The following PIK3CG variants were observed in gnomAD, a reference collection of about 807,000 sequenced individuals.
PIK3CG encodes the protein phosphatidylinositol 4,5-bisphosphate 3-kinase catalytic subunit gamma isoform.
PIK3CG carries 55 observed loss-of-function variants against 102.3 expected under a neutral mutation model. The ratio of observed to expected loss-of-function variants is 0.54; its 90% CI spans 0.43 to 0.67. The LOEUF is 0.67. PIK3CG is among the 30% of genes least tolerant of loss of function. PIK3CG has a pLI of 0.00. For synonymous variants in PIK3CG, 552 were observed against 540.0 expected, an observed-to-expected ratio of 1.02 and a Z score of -0.31; for missense variants, 1,258 against 1,391.8, an observed-to-expected ratio of 0.90 and a Z score of 1.53.
At position 106,908,257 on chromosome 7, in the gene PIK3CG, C is replaced by T. The variant is rs1489036024; in HGVS notation, c.*2870C>T. ...ACAGTGCCCTTCTGAGCATGAGGCT[C>T]TGTGTGACTGCATGGGTCCATGAGA... On this transcript the variant is annotated 3_prime_UTR_variant, in exon 11 of 11. Transcript: ENST00000496166. This position sits in a 1 kb window ranked among gnomAD's most constrained non-coding sequence, Gnocchi z 4.1. Among the ~76,000 whole-genome samples the T allele has an allele frequency of 6.6e-6, 1 of 152,206 alleles. No individual in the cohort carries two copies. Among genetic ancestry groups the T allele is most frequent in the Non-Finnish European group, 1.5e-5 (1 of 68,042 alleles).
chr7:106,900,864 T>C (rs1791530984), intron 10 of PIK3CG, among the ~76,000 whole-genome samples: 2 of 152,126 alleles, frequency 1.3e-5, no homozygotes. Context: ...TTTTTTTCTT[T>C]AAGAATGTTG....
At position 106,874,040 on chromosome 7, in the gene PIK3CG, G is replaced by T. The variant is rs1461477321; in HGVS notation, c.2288-660G>T. Among the ~76,000 whole-genome samples, 1 of 151,954 alleles carries T rather than the reference G, an allele frequency of 6.6e-6. No individual in the cohort carries two copies. The highest frequency in any genetic ancestry group is 1.5e-5 in the Non-Finnish European group (1 of 67,998). ...TACTCAACCAGTATTTTAAACTCCT[G>T]AATATTTAAAATTTCTTTCTCCCTT... On this transcript the variant is annotated intron_variant, in intron 4 of 10. Transcript: ENST00000496166. The surrounding 1 kb of genome is among the most constrained non-coding windows in gnomAD (Gnocchi z 4.3).
rs867508125 is a variant in PIK3CG at position 106,868,673 on chromosome 7, C to T, written c.1112C>T (p.Pro371Leu). The change falls in exon 2 of 11, where the codon CCC becomes CTC. Residue 371 changes from proline (P) to leucine (L), a missense_variant. Pro to Leu is a moderately conservative substitution (Grantham distance 98). This residue lies in a region of PIK3CG where 832 missense variants were observed against 787.5 expected (regional missense o/e 1.06). Transcript: ENST00000496166. The surrounding 1 kb of genome is among the most constrained non-coding windows in gnomAD (Gnocchi z 6.2). ...GTCAAGATCAGAGGCATTGATATCCCCGTCCTGCCTCGGAACACCGACCTC... is the reference window on the plus strand; with the variant it reads ...GTCAAGATCAGAGGCATTGATATCCTCGTCCTGCCTCGGAACACCGACCTC... ...FRVKIRGIDIPVLPRNTDLTV... is the reference protein window; with the variant it reads ...FRVKIRGIDILVLPRNTDLTV... 3 of 1,614,088 alleles carry T rather than the reference C, an allele frequency of 1.9e-6. No individual in the cohort carries two copies. Among genetic ancestry groups the T allele is most frequent in the Non-Finnish European group, 2.5e-6 (3 of 1,180,046 alleles).
intron 1 of PIK3CG, chr7:106,865,747 G>A (rs1790259496): frequency 6.6e-6 from 1 of 152,220 alleles, no homozygotes; most frequent in African/African-American, 2.4e-5. Context: ...AAAGGGGAAA[G>A]CTTCATAGCC....
At chr7:106,878,774 G>C (rs1343486649) in intron 5 of PIK3CG, among the ~76,000 whole-genome samples, 1 of 152,180 alleles carries the variant, frequency 6.6e-6, no homozygotes, top group Non-Finnish European at 1.5e-5. Flanking sequence ...CAGCAAACTG[G>C]CCCTATAGTA....
chr7:106,885,256 C>A (rs1265556340), intron 9 of PIK3CG, among the ~76,000 whole-genome samples: 1 of 152,096 alleles, frequency 6.6e-6, no homozygotes, highest in Admixed American at 6.5e-5. Context: ...GTTAGAGGGA[C>A]CGCTGGAAAA....
rs144082858 is a variant in PIK3CG, at chr7:106,869,283, G to A, written c.1722G>A (p.Leu574=). The A allele has an allele frequency of 5.2e-4, 845 of 1,614,194 alleles. 1 individual carries two copies. The highest frequency in any genetic ancestry group is 3.8e-3 in the Middle Eastern group (23 of 6,062). The part of the protein sequence containing the change: ...LNPLTAEDKE[L]LWHFRYESLK... ...CTCTCACAGCAGAGGACAAAGAATTGCTCTGGCATTTTAGATACGAAAGCC... is the reference window on the plus strand; with the variant it reads ...CTCTCACAGCAGAGGACAAAGAATTACTCTGGCATTTTAGATACGAAAGCC... Residue 574 remains leucine, a synonymous_variant, in exon 2 of 11, where the codon TTG becomes TTA. Coordinates refer to ENST00000496166, the MANE Select transcript of PIK3CG (RefSeq NM_001282426.2). This position sits in a 1 kb window ranked among gnomAD's most constrained non-coding sequence, Gnocchi z 5.3.
In PIK3CG at chr7:106,883,012, A is replaced by G; in HGVS notation, c.2630-21A>G. The G allele has an allele frequency of 6.2e-7, 1 of 1,613,100 alleles. No homozygotes were observed. ...GGTACTGGCCCCCAATCTCCATCAG[A>G]CTCTGTGCATCCTTCTGTAGGAATG... On this transcript the variant is annotated intron_variant, in intron 7 of 10. Coordinates refer to ENST00000496166, the MANE Select transcript of PIK3CG (RefSeq NM_001282426.2). The surrounding 1 kb of genome is among the most constrained non-coding windows in gnomAD (Gnocchi z 5.8).
chr7:106,877,507 C>G lies in PIK3CG; in HGVS notation c.2392-2012C>G, dbSNP rs1790789789. ...ATGGTTTTAATTCTTACATTGAAGT[C>G]TGCAATCCAATTTGAGTTAATTTTT... On this transcript the variant is annotated intron_variant, in intron 5 of 10. Transcript: ENST00000496166. This position sits in a 1 kb window ranked among gnomAD's most constrained non-coding sequence, Gnocchi z 4.5. Among the ~76,000 whole-genome samples, 2 of 152,294 alleles carry G rather than the reference C, an allele frequency of 1.3e-5. No homozygotes were observed. The highest frequency in any genetic ancestry group is 4.8e-5 in the African/African-American group (2 of 41,570).
chr7:106,872,115 A>G lies in PIK3CG; in HGVS notation c.1996-422A>G, dbSNP rs1165876544. Among the ~76,000 whole-genome samples, 3 of 152,324 alleles carry G rather than the reference A, an allele frequency of 2.0e-5. No individual in the cohort carries two copies. Among genetic ancestry groups the G allele is most frequent in the African/African-American group, 4.8e-5 (2 of 41,570 alleles). ...AAATATTTTTCTCCTTACGTGTATT[A>G]TACTATATCTCCACTGTCCATTTTC... On this transcript the variant is annotated intron_variant, in intron 2 of 10. Transcript: ENST00000496166. The surrounding 1 kb of genome is among the most constrained non-coding windows in gnomAD (Gnocchi z 5.3).
At chr7:106,888,484 C>T (rs764527799) in intron 10 of PIK3CG, among the ~76,000 whole-genome samples, 9 of 152,208 alleles carry the variant, frequency 5.9e-5, no homozygotes, top group Admixed American at 6.5e-5. Flanking sequence ...CCACTATCGG[C>T]ATCTTCCACC....
Position 106,906,831 on chromosome 7 carries a change from CTTTTTTT to C in PIK3CG, c.*1455_*1461del. ...GACTTTGAGGTAGTCCAGACCTTTT[CTTTTTTT>C]TTTTTTTTTTAATGTGTGCAAAAGC... On this transcript the variant is annotated 3_prime_UTR_variant, in exon 11 of 11. Coordinates refer to ENST00000496166, the MANE Select transcript of PIK3CG (RefSeq NM_001282426.2). The C allele has an allele frequency of 5.5e-6, 1 of 180,854 alleles. No homozygotes were observed. 11.2% of individuals were successfully genotyped at this position (180,854 alleles called of 1,614,324 possible).
chr7:106,882,074 T>C (rs777885769), intron 6 of PIK3CG, 43 bp from the exon 7 acceptor site: 5 of 820,524 alleles, frequency 6.1e-6, no homozygotes, highest in African/African-American at 5.4e-5. Flanking sequence ...TATATTAAGT[T>C]AATATATATA....
Position 106,874,651 on chromosome 7 carries a change from G to T in PIK3CG, c.2288-49G>T, listed in dbSNP as rs2116497318. Reference sequence around the variant, plus strand: ...CTCAGGAAATGTAATAGATAATATTGATGATTTCTGGAACTCACATAACTC... The same window carrying T: ...CTCAGGAAATGTAATAGATAATATTTATGATTTCTGGAACTCACATAACTC... On this transcript the variant is annotated intron_variant, in intron 4 of 10. Transcript: ENST00000496166. The surrounding 1 kb of genome is among the most constrained non-coding windows in gnomAD (Gnocchi z 4.3). The T allele has an allele frequency of 8.9e-7, 1 of 1,127,086 alleles. No individual in the cohort carries two copies. Among genetic ancestry groups the T allele is most frequent in the South Asian group, 1.2e-5 (1 of 80,222 alleles). 69.8% of individuals were successfully genotyped at this position (1,127,086 alleles called of 1,614,324 possible).
At chr7:106,866,195 C>G (rs925071852) in intron 1 of PIK3CG, among the ~76,000 whole-genome samples, 1 of 152,150 alleles carries the variant, frequency 6.6e-6, no homozygotes. Context: ...AGTTTTAAGT[C>G]TAACATTAGT....
chr7:106,875,518 T>C (rs1424562253), intron 5 of PIK3CG, among the ~76,000 whole-genome samples: 3 of 152,224 alleles, frequency 2.0e-5, no homozygotes, highest in Admixed American at 2.0e-4. Context: ...TCCCATTCTC[T>C]GTGATAATGC....
chr7:106,900,333 G>T (rs918198484), intron 10 of PIK3CG, among the ~76,000 whole-genome samples: 5 of 151,822 alleles, frequency 3.3e-5, no homozygotes, highest in Non-Finnish European at 5.9e-5. Context: ...TGTCTTTTTT[G>T]ATCTTTGTTA....
At position 106,905,336 on chromosome 7, in the gene PIK3CG, G is replaced by A. The variant is rs1346203324; in HGVS notation, c.3258G>A (p.Trp1086Ter). 6.2e-7 allele frequency: 1 copy of A among 1,613,988 alleles called. No individual in the cohort carries two copies. The highest frequency in any genetic ancestry group is 8.5e-7 in the Non-Finnish European group (1 of 1,179,944). ...AAGGATGGACTGTGCAGTTTAATTG[G>A]TTTCTACATCTTGTTCTTGGCATCA... ...RDKGWTVQFN[W>*]FLHLVLGIKQ... The change falls in exon 11 of 11, where the codon TGG becomes TGA. Residue 1086 changes from tryptophan (W) to a stop codon, truncating the protein, a stop_gained. Transcript: ENST00000496166. LOFTEE classifies it high-confidence loss of function. The surrounding 1 kb of genome is among the most constrained non-coding windows in gnomAD (Gnocchi z 5.6).
In PIK3CG at chr7:106,883,299, T is replaced by A; in HGVS notation, c.2760+136T>A. The A allele has an allele frequency of 1.1e-6, 1 of 903,756 alleles. No homozygotes were observed. The highest frequency in any genetic ancestry group is 1.7e-6 in the Non-Finnish European group (1 of 589,144). 56.0% of individuals were successfully genotyped at this position (903,756 alleles called of 1,614,324 possible). ...TTAGTGAAGTTTTTTACTTGTGAAA[T>A]AATGGAGGTTTTAAGTACCCTCCCG... On this transcript the variant is annotated intron_variant, in intron 8 of 10. Transcript: ENST00000496166. The surrounding 1 kb of genome is among the most constrained non-coding windows in gnomAD (Gnocchi z 5.8).
Sources: gnomAD v4.1 joint callset for allele counts (sites outside exome capture counted in the v4.1 genomes callset) on GRCh38, gnomAD v4.1.1 for gene constraint, gnomAD v4.1.1 regional missense constraint, Gnocchi (gnomAD v3.1) non-coding constraint, MANE v1.5 for transcripts, NCBI Gene and HGNC (gene_info 2026-07-23, HGNC 2026-07-21) for gene names.